The following SGK1 variants were observed in gnomAD, a reference collection of about 807,000 sequenced individuals.
SGK1 encodes the protein serum/glucocorticoid regulated kinase 1.
SGK1 carries 26 observed loss-of-function variants against 64.2 expected under a neutral mutation model. The ratio of observed to expected loss-of-function variants is 0.40; its 90% CI spans 0.30 to 0.56. The LOEUF is 0.56. Among genes scored for constraint, SGK1 ranks in the 20% least tolerant of loss-of-function variants. The probability of loss-of-function intolerance (pLI) is 0.38; values close to 1 mark genes in which losing one functional copy is unlikely to be tolerated. For synonymous variants in SGK1, 265 were observed against 239.7 expected, an observed-to-expected ratio of 1.11 and a Z score of -0.98; for missense variants, 519 against 645.6, an observed-to-expected ratio of 0.80 and a Z score of 2.12.
chr6:134,277,389 G>A (rs971324720), intron 1 of SGK1, among the ~76,000 whole-genome samples: 13 of 152,130 alleles, frequency 8.5e-5, no homozygotes, highest in African/African-American at 2.2e-4. Flanking sequence ...TTAAAATGTA[G>A]TCTTACCAGT....
chr6:134,316,632 T>C (rs1273648453), intron 1 of SGK1, among the ~76,000 whole-genome samples: 1 of 150,072 alleles, frequency 6.7e-6, no homozygotes, highest in Non-Finnish European at 1.5e-5. Context: ...CTACAACCAA[T>C]GCAACATTAT....
intron 2 of SGK1, among the ~76,000 whole-genome samples, chr6:134,257,294 T>A (rs148904838): frequency 6.6e-6 from 1 of 152,304 alleles, no homozygotes; most frequent in Non-Finnish European, 1.5e-5. Flanking sequence ...TGCCAGCTAT[T>A]CGCAAGGCTG....
At chr6:134,259,087 G>A (rs1776725386) in intron 2 of SGK1, among the ~76,000 whole-genome samples, 1 of 152,176 alleles carries the variant, frequency 6.6e-6, no homozygotes, top group African/African-American at 2.4e-5. Flanking sequence ...ATTGCAAATT[G>A]GAGAATGATT....
chr6:134,185,940 G>A (rs571661186), intron 3 of SGK1, among the ~76,000 whole-genome samples: 6 of 152,170 alleles, frequency 3.9e-5, no homozygotes, highest in African/African-American at 9.6e-5. Context: ...GCTCCCAAGC[G>A]ATTGGACACT....
intron 2 of SGK1, among the ~76,000 whole-genome samples, chr6:134,216,076 T>C (rs1378356871): frequency 4.7e-5 from 7 of 150,280 alleles, no homozygotes; most frequent in Non-Finnish European, 3.0e-5. Flanking sequence ...GCATAAATTT[T>C]TTAAAACTTT....
intron 2 of SGK1, chr6:134,215,023 T>C (rs547097706): frequency 1.1e-3 from 478 of 451,368 alleles, no homozygotes; most frequent in Non-Finnish European, 1.9e-3. Context: ...AATTTAAACA[T>C]CAGAAGATGG....
chr6:134,241,902 G>T (rs1449884068), intron 2 of SGK1, among the ~76,000 whole-genome samples: 1 of 152,102 alleles, frequency 6.6e-6, no homozygotes, highest in Non-Finnish European at 1.5e-5. Context: ...TTACAGGCAT[G>T]AGCCACCGTG....
At chr6:134,192,490 T>C (rs1775530596) in intron 3 of SGK1, among the ~76,000 whole-genome samples, 1 of 152,116 alleles carries the variant, frequency 6.6e-6, no homozygotes, top group African/African-American at 2.4e-5. Flanking sequence ...TTCAATCAAC[T>C]CTCTTGAATT....
At chr6:134,222,152 G>A (rs986284772) in intron 2 of SGK1, among the ~76,000 whole-genome samples, 3 of 152,042 alleles carry the variant, frequency 2.0e-5, no homozygotes, top group African/African-American at 7.2e-5. Flanking sequence ...CCATGGTGGG[G>A]TTACCTCAGA....
intron 2 of SGK1, among the ~76,000 whole-genome samples, chr6:134,248,238 G>C (rs1776554507): frequency 6.6e-6 from 1 of 152,032 alleles, no homozygotes; most frequent in Non-Finnish European, 1.5e-5. Context: ...AACTTCCCAA[G>C]TTTACTGAAA....
At chr6:134,197,881 T>A (rs1280392806) in intron 3 of SGK1, among the ~76,000 whole-genome samples, 16 of 79,080 alleles carry the variant, frequency 2.0e-4, no homozygotes, top group African/African-American at 4.6e-4. Flanking sequence ...AAATAAAATA[T>A]AAAATAAAAT....
intron 12 of SGK1, 31 bp from the exon 13 acceptor site, chr6:134,170,946 AC>A (rs1462121708): frequency 6.2e-7 from 1 of 1,606,922 alleles, no homozygotes; most frequent in Non-Finnish European, 8.5e-7. Flanking sequence ...ATTAATTTAG[AC>A]AGGTGCATTC....
chr6:134,193,851 A>AGGGGAGGGGG (rs1775556601), intron 3 of SGK1, among the ~76,000 whole-genome samples: 1 of 85,458 alleles, frequency 1.2e-5, no homozygotes, highest in African/African-American at 5.1e-5. Flanking sequence ...AGGGGAGGGG[A>AGGGGAGGGGG]GGGGAAAAAT....
chr6:134,230,841 C>A (rs1582729835), intron 2 of SGK1, among the ~76,000 whole-genome samples: 1 of 152,272 alleles, frequency 6.6e-6, no homozygotes, highest in East Asian at 1.9e-4. Context: ...TGGTGAAACC[C>A]TGTCTCTACT....
chr6:134,286,008 A>G (rs1230541543), intron 1 of SGK1, among the ~76,000 whole-genome samples: 2 of 152,334 alleles, frequency 1.3e-5, no homozygotes, highest in East Asian at 1.9e-4. Flanking sequence ...ATAAGTTTTT[A>G]AAGAATTAAA....
At chr6:134,204,442 C>G (rs1253415557) in intron 3 of SGK1, among the ~76,000 whole-genome samples, 2 of 143,672 alleles carry the variant, frequency 1.4e-5, no homozygotes, top group Non-Finnish European at 3.0e-5. Flanking sequence ...TGCACTCCAG[C>G]CTGGGCGACA....
At chr6:134,304,692 A>T (rs1054700767) in intron 1 of SGK1, among the ~76,000 whole-genome samples, 1 of 152,020 alleles carries the variant, frequency 6.6e-6, no homozygotes, top group African/African-American at 2.4e-5. Flanking sequence ...ACAGAGCAAG[A>T]TCCTGTCTCA....
intron 1 of SGK1, among the ~76,000 whole-genome samples, chr6:134,268,193 A>C (rs9483670): frequency 2.0e-5 from 3 of 151,920 alleles, no homozygotes; most frequent in Non-Finnish European, 4.4e-5. Context: ...GGATTGCTTT[A>C]CTGGAGGGAG....
At chr6:134,290,221 G>T (rs1306946538) in intron 1 of SGK1, among the ~76,000 whole-genome samples, 1 of 151,442 alleles carries the variant, frequency 6.6e-6, no homozygotes, top group Non-Finnish European at 1.5e-5. Flanking sequence ...CTACTCAGGA[G>T]GCTGAGGTGG....
Sources: allele counts gnomAD v4.1 joint callset (sites outside exome capture counted in the v4.1 genomes callset), GRCh38; gene constraint gnomAD v4.1.1; transcripts MANE v1.5; gene names NCBI Gene and HGNC (gene_info 2026-07-23, HGNC 2026-07-21).